DPP10: variants seen among roughly 807,000 people sequenced by gnomAD.
DPP10 encodes the protein dipeptidyl peptidase like 10, also known as inactive dipeptidyl peptidase 10.
DPP10 carries 33 observed loss-of-function variants against 120.9 expected under a neutral mutation model. That is an observed-to-expected ratio of 0.27 (90% CI 0.21 to 0.37). The LOEUF is 0.37. Among genes scored for constraint, DPP10 ranks in the 10% least tolerant of loss-of-function variants. The probability of loss-of-function intolerance (pLI) is 1.00; values close to 1 mark genes in which losing one functional copy is unlikely to be tolerated. For synonymous variants in DPP10, 337 were observed against 326.1 expected, an observed-to-expected ratio of 1.03 and a Z score of -0.36; for missense variants, 816 against 942.8, an observed-to-expected ratio of 0.87 and a Z score of 1.76.
intron 4 of DPP10, among the ~76,000 whole-genome samples, chr2:115,514,143 G>T (rs2148849814): frequency 6.6e-6 from 1 of 151,850 alleles, no homozygotes; most frequent in African/African-American, 2.4e-5. Flanking sequence ...ATAATTGAGG[G>T]TTCCTTGTAT....
intron 1 of DPP10, among the ~76,000 whole-genome samples, chr2:114,447,100 G>A (rs991777765): frequency 6.8e-6 from 1 of 147,788 alleles, no homozygotes; most frequent in African/African-American, 2.5e-5. Context: ...AGTTTCAAGT[G>A]ATTCTCCTGC....
chr2:115,021,270 G>A (rs1243122905), intron 1 of DPP10, among the ~76,000 whole-genome samples: 2 of 152,064 alleles, frequency 1.3e-5, no homozygotes, highest in East Asian at 3.9e-4. Context: ...TAGATTATTA[G>A]TGAGATTAAC....
Position 115,842,248 on chromosome 2 carries a change from G to A in DPP10, c.2294G>A (p.Ser765Asn). The A allele has an allele frequency of 2.5e-6, 4 of 1,613,744 alleles. No individual in the cohort carries two copies. In the East Asian group the frequency reaches 6.7e-5, roughly 27 times the overall value. Residue 765 changes from serine (S) to asparagine (N), a missense_variant, in exon 26 of 26, where the codon AGC (serine) becomes AAC (asparagine). Physicochemically the swap from Ser to Asn is conservative, Grantham distance 46. Transcript: ENST00000410059. ...PDEGHNVSEK[S>N]KYHLYSTILK... The stretch of plus-strand genomic sequence containing the variant: ...GAAGGTCATAACGTATCTGAGAAGA[G>A]CAAGTATCATCTCTACAGCACAATC...
intron 5 of DPP10, among the ~76,000 whole-genome samples, chr2:115,575,360 A>T (rs2081589896): frequency 6.6e-6 from 1 of 152,224 alleles, no homozygotes; most frequent in South Asian, 2.1e-4. Flanking sequence ...TTTGAATTTG[A>T]AAAGGATTTC....
chr2:115,722,748 A>AT (rs1299022386), intron 7 of DPP10, among the ~76,000 whole-genome samples: 1 of 152,168 alleles, frequency 6.6e-6, no homozygotes, highest in African/African-American at 2.4e-5. Context: ...AATGCAGTGC[A>AT]TGGCTATATT....
chr2:115,655,020 G>A (rs1476035666), intron 5 of DPP10, among the ~76,000 whole-genome samples: 1 of 151,412 alleles, frequency 6.6e-6, no homozygotes, highest in Non-Finnish European at 1.5e-5. Flanking sequence ...CTTTTTGGAT[G>A]CTTTTAAAAA....
Position 114,746,790 on chromosome 2 carries a change from G to T in DPP10, c.60+303952G>T, listed in dbSNP as rs2106013781. Among the ~76,000 whole-genome samples the T allele has an allele frequency of 2.0e-5, 3 of 152,292 alleles. No homozygotes were observed. The South Asian group carries it at 6.2e-4, about 32-fold the overall frequency. ...CTAGGAGTTTTCCAATGACAAAATG[G>T]AAATGGAAACCTGAATGAGTAATCA... is the stretch of plus-strand genomic sequence containing the variant. On this transcript the variant is annotated intron_variant, in intron 1 of 25. Transcript: ENST00000410059.
chr2:115,800,394 A>ACT (rs1197167991), intron 19 of DPP10, among the ~76,000 whole-genome samples: 2 of 152,026 alleles, frequency 1.3e-5, no homozygotes, highest in African/African-American at 4.8e-5. Context: ...TTGCCTGTTC[A>ACT]CTCTGACAGT....
intron 3 of DPP10, among the ~76,000 whole-genome samples, chr2:115,361,851 C>G (rs912368998): frequency 2.6e-5 from 4 of 152,022 alleles, no homozygotes; most frequent in African/African-American, 9.7e-5. Flanking sequence ...TGATGGTTCA[C>G]TGGATATTTT....
At chr2:115,475,581 A>G (rs2075025057) in intron 3 of DPP10, among the ~76,000 whole-genome samples, 1 of 152,162 alleles carries the variant, frequency 6.6e-6, no homozygotes, top group African/African-American at 2.4e-5. Flanking sequence ...AGCTGTGAGA[A>G]GAGGGCCACC....
chr2:115,677,249 GTGAACCTCAC>G (rs1241781357), intron 5 of DPP10, among the ~76,000 whole-genome samples: 1 of 152,132 alleles, frequency 6.6e-6, no homozygotes, highest in East Asian at 1.9e-4. Flanking sequence ...ATATAAAAAT[GTGAACCTCAC>G]TGGTAGAACA....
chr2:115,782,512 C>A, intron 17 of DPP10, 113 bp downstream of exon 17: 1 of 1,026,480 alleles, frequency 9.7e-7, no homozygotes. Context: ...AAATCCCCAC[C>A]ATGAGGAAAG....
Position 115,213,430 on chromosome 2 carries a change from G to T in DPP10, c.61-95809G>T, listed in dbSNP as rs977544445. On this transcript the variant is annotated intron_variant, in intron 1 of 25. Transcript: ENST00000410059. The stretch of plus-strand genomic sequence containing the variant: ...ATTAATACTCATCCTTAAGCCTTCA[G>T]GTTTTGTCTTATATCAGGTATTCAT... Among the ~76,000 whole-genome samples, 4 of 151,986 alleles carry T rather than the reference G, an allele frequency of 2.6e-5. No homozygotes were observed. In the South Asian group the frequency reaches 8.3e-4, roughly 32 times the overall value.
At chr2:115,812,571 A>C (rs1347598607) in intron 19 of DPP10, among the ~76,000 whole-genome samples, 1 of 152,238 alleles carries the variant, frequency 6.6e-6, no homozygotes, top group East Asian at 1.9e-4. Context: ...AATAAATTTC[A>C]AATGATCTGA....
chr2:115,461,774 A>G (rs1445185225), intron 3 of DPP10, among the ~76,000 whole-genome samples: 1 of 152,164 alleles, frequency 6.6e-6, no homozygotes, highest in Non-Finnish European at 1.5e-5. Context: ...ATTATAAATA[A>G]TATTTGCTAA....
chr2:115,348,077 G>A (rs993501812), intron 3 of DPP10, among the ~76,000 whole-genome samples: 3 of 152,098 alleles, frequency 2.0e-5, no homozygotes, highest in African/African-American at 7.2e-5. Flanking sequence ...AGACAGGAAG[G>A]CAGAAGGAGG....
At chr2:115,127,401 C>T (rs562071996) in intron 1 of DPP10, among the ~76,000 whole-genome samples, 2 of 152,330 alleles carry the variant, frequency 1.3e-5, no homozygotes, top group East Asian at 3.9e-4. Flanking sequence ...CAGTATGGTG[C>T]TTAGACTCAC....
intron 7 of DPP10, among the ~76,000 whole-genome samples, chr2:115,703,382 A>G (rs1298660717): frequency 6.6e-6 from 1 of 152,028 alleles, no homozygotes; most frequent in Non-Finnish European, 1.5e-5. Context: ...CAAAACCAAT[A>G]GGATATATAT....
intron 1 of DPP10, among the ~76,000 whole-genome samples, chr2:114,630,768 A>G (rs1468109825): frequency 6.6e-6 from 1 of 151,380 alleles, no homozygotes; most frequent in Non-Finnish European, 1.5e-5. Flanking sequence ...TGTAGATTAC[A>G]AAAGAGTTTT....
Sources: allele counts gnomAD v4.1 joint callset (sites outside exome capture counted in the v4.1 genomes callset), GRCh38; gene constraint gnomAD v4.1.1; transcripts MANE v1.5; gene names NCBI Gene and HGNC (gene_info 2026-07-23, HGNC 2026-07-21).